Variants in PRTG observed in about 807,000 individuals in gnomAD.
PRTG encodes immunoglobulin superfamily, DCC subclass, member 5.
In PRTG, 67 loss-of-function variants were observed where a neutral mutation model predicts 122.5. The ratio of observed to expected loss-of-function variants is 0.55; its 90% CI spans 0.45 to 0.67. The LOEUF (loss-of-function observed/expected upper bound fraction) is 0.67. PRTG is among the 30% of genes least tolerant of loss of function. The pLI, the probability that PRTG is intolerant of heterozygous loss-of-function variation, is 0.00. For missense variants in PRTG, 1,435 were observed against 1,415.4 expected (o/e 1.01, Z -0.22); for synonymous variants, 554 against 501.1 (o/e 1.11, Z -1.41).
intron 2 of PRTG, among the ~76,000 whole-genome samples, chr15:55,716,295 A>G (rs532311479): frequency 6.6e-6 from 1 of 152,298 alleles, no homozygotes; most frequent in Non-Finnish European, 1.5e-5. Flanking sequence ...TCTAAATAAA[A>G]TTATATATCA....
Position 55,725,116 on chromosome 15 carries a change from T to C in PRTG, c.397+15266A>G, listed in dbSNP as rs185724238. Among the ~76,000 whole-genome samples the C allele has an allele frequency of 2.4e-3, 365 of 152,326 alleles. 3 individuals carry two copies. Among genetic ancestry groups the C allele is most frequent in the African/African-American group, 8.7e-3 (360 of 41,578 alleles). ...TAAAAAGCCTATACATCTATATCAC[T>C]ATCTATACAAAACATATGAAGATGT... On this transcript the variant is annotated intron_variant, in intron 2 of 19. Coordinates refer to ENST00000389286, the MANE Select transcript of PRTG (RefSeq NM_173814.6).
At chr15:55,707,309 G>T (rs2030170323) in intron 2 of PRTG, among the ~76,000 whole-genome samples, 1 of 152,150 alleles carries the variant, frequency 6.6e-6, no homozygotes, top group Admixed American at 6.5e-5. Context: ...ACAAAATCAT[G>T]TCTAAACTAT....
intron 15 of PRTG, among the ~76,000 whole-genome samples, chr15:55,630,795 A>C (rs2059223496): frequency 6.6e-6 from 1 of 152,134 alleles, no homozygotes; most frequent in Non-Finnish European, 1.5e-5. Context: ...TTGTTTCAGC[A>C]CTATGTTTGT....
chr15:55,735,819 A>G lies in PRTG; in HGVS notation c.397+4563T>C, dbSNP rs145100962. Reference sequence around the variant, plus strand: ...AAATGATCCTCACTAATCTAGGGCAAAGTGAGAAAAACTGGTTCCATTACC... The same window carrying G: ...AAATGATCCTCACTAATCTAGGGCAGAGTGAGAAAAACTGGTTCCATTACC... On this transcript the variant is annotated intron_variant, in intron 2 of 19. Coordinates refer to ENST00000389286, the MANE Select transcript of PRTG (RefSeq NM_173814.6). 4.3e-3 allele frequency among the ~76,000 whole-genome samples: 661 copies of G among 152,032 alleles called. 4 individuals carry two copies. The highest frequency in any genetic ancestry group is 0.015 in the African/African-American group (633 of 41,508).
At chr15:55,742,658 A>G in intron 1 of PRTG, 180 bp downstream of exon 1, 1 of 685,626 alleles carries the variant, frequency 1.5e-6, no homozygotes, top group Non-Finnish European at 2.4e-6. Context: ...GCAAGCAACT[A>G]GTGTCTGCAG....
chr15:55,742,772 C>T, intron 1 of PRTG, 66 bp downstream of exon 1: 1 of 1,528,178 alleles, frequency 6.5e-7, no homozygotes, highest in African/African-American at 1.4e-5. Flanking sequence ...TTTCCTCTTT[C>T]CCCATCCCAC....
intron 11 of PRTG, among the ~76,000 whole-genome samples, chr15:55,654,275 A>G (rs2059368690): frequency 6.6e-6 from 1 of 152,198 alleles, no homozygotes; most frequent in Non-Finnish European, 1.5e-5. Flanking sequence ...GAGAAAAAGA[A>G]AAGAACACTT....
chr15:55,624,850 TTAA>T (rs2059186201), intron 17 of PRTG, among the ~76,000 whole-genome samples: 1 of 152,184 alleles, frequency 6.6e-6, no homozygotes, highest in African/African-American at 2.4e-5. Flanking sequence ...CACTTTCCAA[TTAA>T]TGATGGTAAA....
intron 2 of PRTG, among the ~76,000 whole-genome samples, chr15:55,717,366 GA>G (rs2030637888): frequency 6.6e-6 from 1 of 152,184 alleles, no homozygotes; most frequent in South Asian, 2.1e-4. Flanking sequence ...GCCTCAGGAA[GA>G]AAAGGCTTTC....
intron 11 of PRTG, among the ~76,000 whole-genome samples, chr15:55,642,808 G>A (rs1018243812): frequency 2.0e-5 from 3 of 152,222 alleles, no homozygotes; most frequent in East Asian, 1.9e-4. Context: ...AAAAATAGAG[G>A]ATGGGTGCAG....
rs376033819 is a variant in PRTG, at chr15:55,674,474, C to A, written c.1547-798G>T. Among the ~76,000 whole-genome samples the A allele has an allele frequency of 3.6e-4, 55 of 152,256 alleles. No homozygotes were observed. In the South Asian group the frequency reaches 8.7e-3, roughly 24 times the overall value. On this transcript the variant is annotated intron_variant, in intron 9 of 19. Coordinates refer to ENST00000389286, the MANE Select transcript of PRTG (RefSeq NM_173814.6). ...TCTATCTTTATTAGCCTGCTTTTCA[C>A]CTTAGACATGCATAACAGAGGTTGT...
At chr15:55,711,265 C>T (rs915043284) in intron 2 of PRTG, among the ~76,000 whole-genome samples, 21 of 151,996 alleles carry the variant, frequency 1.4e-4, no homozygotes, top group African/African-American at 5.1e-4. Context: ...CCTCTGTAAC[C>T]TTGATTTAGT....
rs770404362 is a variant in PRTG, at chr15:55,613,640, T to C, written c.*6372A>G. 2.6e-5 allele frequency: 4 copies of C among 152,062 alleles called. No homozygotes were observed. Among genetic ancestry groups the C allele is most frequent in the African/African-American group, 4.8e-5 (2 of 41,440 alleles). The allele number at this position is 152,062 out of a possible 1,614,324, so 9.4% of individuals were successfully genotyped here. On this transcript the variant is annotated 3_prime_UTR_variant, in exon 20 of 20. Coordinates refer to ENST00000389286, the MANE Select transcript of PRTG (RefSeq NM_173814.6). The stretch of plus-strand genomic sequence containing the variant: ...AATAAGGTAGTCTTCTCTTTTTCGA[T>C]TGGTTATTACTCTGTAGAAAGGTTG...
intron 18 of PRTG, 70 bp from the exon 19 acceptor site, chr15:55,620,837 C>A: frequency 7.8e-7 from 1 of 1,289,744 alleles, no homozygotes; most frequent in Non-Finnish European, 1.1e-6. Flanking sequence ...ACAAGTAGTG[C>A]ATACTTTAAC....
chr15:55,680,803 TAG>T (rs1203008969), intron 4 of PRTG, among the ~76,000 whole-genome samples, 175 bp from the exon 5 acceptor site: 2 of 152,172 alleles, frequency 1.3e-5, no homozygotes, highest in African/African-American at 2.4e-5. Flanking sequence ...CAGTGGTTTT[TAG>T]AGTTTTCAGA....
intron 2 of PRTG, among the ~76,000 whole-genome samples, chr15:55,711,032 G>T (rs1209018186): frequency 3.3e-5 from 5 of 151,270 alleles, no homozygotes; most frequent in South Asian, 2.1e-4. Flanking sequence ...TCAGCTTCAC[G>T]AGTAGCTGGG....
intron 11 of PRTG, among the ~76,000 whole-genome samples, chr15:55,650,987 A>G (rs2141754640): frequency 6.6e-6 from 1 of 152,202 alleles, no homozygotes; most frequent in East Asian, 1.9e-4. Flanking sequence ...AAGGAAAAGA[A>G]CATGTCAAAG....
chr15:55,731,406 T>C (rs545227393), intron 2 of PRTG, among the ~76,000 whole-genome samples: 1 of 149,272 alleles, frequency 6.7e-6, no homozygotes, highest in African/African-American at 2.5e-5. Context: ...AGTCTTGTTC[T>C]GTCGCCCAGG....
At chr15:55,693,112 G>C (rs1210394432) in intron 2 of PRTG, among the ~76,000 whole-genome samples, 3 of 151,840 alleles carry the variant, frequency 2.0e-5, no homozygotes, top group African/African-American at 7.3e-5. Context: ...GCCTCCCAAA[G>C]GGCTGGGATT....
Sources: allele counts gnomAD v4.1 joint callset (sites outside exome capture counted in the v4.1 genomes callset), GRCh38; gene constraint gnomAD v4.1.1; transcripts MANE v1.5; gene names NCBI Gene and HGNC (gene_info 2026-07-23, HGNC 2026-07-21).